MDGA2: variants seen among roughly 807,000 people sequenced by gnomAD.
MDGA2 encodes the protein MAM domain-containing glycosylphosphatidylinositol anchor protein 2.
Under a neutral mutation model 117.8 loss-of-function variants are expected in MDGA2, and 40 were observed. The ratio of observed to expected loss-of-function variants is 0.34; its 90% CI spans 0.26 to 0.44. The LOEUF (loss-of-function observed/expected upper bound fraction) is 0.44, where lower values mean the gene tolerates loss of function less well. MDGA2 is among the 20% of genes least tolerant of loss of function. MDGA2 has a pLI of 1.00. For missense variants in MDGA2, 1,123 were observed against 1,250.6 expected (o/e 0.90, Z 1.54); for synonymous variants, 452 against 439.0 (o/e 1.03, Z -0.37).
chr14:47,501,708 A>C (rs528019109), intron 1 of MDGA2, among the ~76,000 whole-genome samples: 1 of 152,284 alleles, frequency 6.6e-6, no homozygotes, highest in African/African-American at 2.4e-5. Context: ...AAGTAAAAGT[A>C]ATATGATGTG....
At chr14:47,491,580 C>T (rs183008047) in intron 1 of MDGA2, among the ~76,000 whole-genome samples, 47 of 152,136 alleles carry the variant, frequency 3.1e-4, no homozygotes, top group Admixed American at 2.6e-3. Context: ...TAATAAAAAC[C>T]ATGAAGATCA....
At chr14:47,192,334 G>A (rs1354496236) in intron 3 of MDGA2, among the ~76,000 whole-genome samples, 1 of 152,170 alleles carries the variant, frequency 6.6e-6, no homozygotes, top group African/African-American at 2.4e-5. Context: ...GGAGGTATGG[G>A]GCCGAACGAG....
intron 6 of MDGA2, among the ~76,000 whole-genome samples, chr14:47,067,710 GCT>G (rs1359449683): frequency 6.6e-6 from 1 of 152,110 alleles, no homozygotes; most frequent in Admixed American, 6.5e-5. Context: ...AAATGCATCA[GCT>G]TTTGTACAAC....
At chr14:47,294,793 C>A (rs563044963) in intron 2 of MDGA2, among the ~76,000 whole-genome samples, 1 of 151,950 alleles carries the variant, frequency 6.6e-6, no homozygotes, top group Admixed American at 6.6e-5. Flanking sequence ...ATACATGTAG[C>A]ACTAATGGTT....
chr14:47,634,619 AT>A (rs559912315), intron 1 of MDGA2, among the ~76,000 whole-genome samples: 2 of 152,186 alleles, frequency 1.3e-5, no homozygotes, highest in African/African-American at 4.8e-5. Context: ...TTTGTGCTAC[AT>A]TTTTTTAAAT....
chr14:47,462,623 A>G (rs537621945), intron 1 of MDGA2, among the ~76,000 whole-genome samples: 1 of 152,332 alleles, frequency 6.6e-6, no homozygotes, highest in Non-Finnish European at 1.5e-5. Flanking sequence ...CTTCCACCTA[A>G]GAGTCGCTAA....
intron 3 of MDGA2, among the ~76,000 whole-genome samples, chr14:47,163,634 T>C (rs1485014360): frequency 2.6e-5 from 4 of 152,182 alleles, no homozygotes; most frequent in African/African-American, 9.6e-5. Flanking sequence ...CTTTTGTAAA[T>C]TGCCCTGTCT....
intron 10 of MDGA2, among the ~76,000 whole-genome samples, chr14:46,909,801 T>C (rs2138476702): frequency 6.6e-6 from 1 of 152,278 alleles, no homozygotes; most frequent in African/African-American, 2.4e-5. Context: ...GCTTATTCAA[T>C]ATAGGAAAAC....
intron 2 of MDGA2, among the ~76,000 whole-genome samples, chr14:47,288,192 G>C (rs1888754866): frequency 6.6e-6 from 1 of 152,084 alleles, no homozygotes; most frequent in South Asian, 2.1e-4. Flanking sequence ...TAGACTCCAC[G>C]GATGTTAGCA....
At chr14:47,655,845 G>T (rs750359296) in intron 1 of MDGA2, among the ~76,000 whole-genome samples, 8 of 152,164 alleles carry the variant, frequency 5.3e-5, no homozygotes, top group Admixed American at 2.6e-4. Flanking sequence ...CTTGGAGGAG[G>T]TATAGGTTCA....
intron 1 of MDGA2, among the ~76,000 whole-genome samples, chr14:47,485,793 C>T (rs1894048431): frequency 6.6e-6 from 1 of 152,178 alleles, no homozygotes; most frequent in Admixed American, 6.5e-5. Context: ...GCCTTGGCAG[C>T]TCCCACTTAG....
intron 1 of MDGA2, among the ~76,000 whole-genome samples, chr14:47,401,690 C>CA (rs1414873293): frequency 6.6e-5 from 10 of 152,208 alleles, no homozygotes; most frequent in Non-Finnish European, 1.5e-4. Context: ...TCTATCTACT[C>CA]AATCAGATCA....
At chr14:47,354,143 A>C (rs1381073720) in intron 1 of MDGA2, among the ~76,000 whole-genome samples, 1 of 152,220 alleles carries the variant, frequency 6.6e-6, no homozygotes, top group African/African-American at 2.4e-5. Flanking sequence ...TAGGTATAGA[A>C]GGAAAATTTC....
chr14:47,385,104 A>G (rs1891727731), intron 1 of MDGA2, among the ~76,000 whole-genome samples: 1 of 152,154 alleles, frequency 6.6e-6, no homozygotes, highest in Non-Finnish European at 1.5e-5. Context: ...ATACTGACCA[A>G]TTTTACATAT....
At chr14:47,309,216 GA>G (rs1220332462) in intron 1 of MDGA2, among the ~76,000 whole-genome samples, 7 of 152,052 alleles carry the variant, frequency 4.6e-5, no homozygotes, top group African/African-American at 1.7e-4. Context: ...TTTTAAGTCA[GA>G]CTGCAGATCA....
intron 14 of MDGA2, among the ~76,000 whole-genome samples, chr14:46,872,435 A>C (rs1225185246): frequency 2.6e-5 from 4 of 151,870 alleles, no homozygotes; most frequent in Non-Finnish European, 5.9e-5. Context: ...GTATTGATGC[A>C]GTGACTCATT....
intron 3 of MDGA2, among the ~76,000 whole-genome samples, chr14:47,201,741 T>A (rs1885515361): frequency 6.6e-6 from 1 of 152,224 alleles, no homozygotes; most frequent in Non-Finnish European, 1.5e-5. Flanking sequence ...TACCTTTGTA[T>A]TACAAAGACA....
chr14:47,053,514 C>A (rs868474153), intron 7 of MDGA2, among the ~76,000 whole-genome samples: 3 of 149,848 alleles, frequency 2.0e-5, no homozygotes, highest in African/African-American at 4.9e-5. Flanking sequence ...ATCATAGAAG[C>A]AAAACAACAT....
At chr14:47,042,312 G>GTTT (rs748830079) in intron 7 of MDGA2, among the ~76,000 whole-genome samples, 26 of 129,992 alleles carry the variant, frequency 2.0e-4, no homozygotes, top group Admixed American at 6.2e-4. Flanking sequence ...CCAAATCTAT[G>GTTT]TTTTTTTTTT....
Sources: allele counts gnomAD v4.1 joint callset (sites outside exome capture counted in the v4.1 genomes callset), GRCh38; gene constraint gnomAD v4.1.1; transcripts MANE v1.5; gene names NCBI Gene and HGNC (gene_info 2026-07-23, HGNC 2026-07-21).